Variants in NOB1 observed in about 807,000 individuals in gnomAD.
The protein encoded by NOB1 is RNA-binding protein NOB1.
NOB1 carries 44 observed loss-of-function variants against 44.8 expected under a neutral mutation model. The observed-to-expected ratio is 0.98, with a 90% confidence interval of 0.77 to 1.26. NOB1 has a LOEUF of 1.26. Ranked by LOEUF, NOB1 falls within the 50% of genes most tolerant of loss-of-function variation. The probability of loss-of-function intolerance (pLI) is 0.00; values close to 1 mark genes in which losing one functional copy is unlikely to be tolerated. For synonymous variants in NOB1, 238 were observed against 218.7 expected, an observed-to-expected ratio of 1.09 and a Z score of -0.78; for missense variants, 560 against 544.8, an observed-to-expected ratio of 1.03 and a Z score of -0.28.
At position 69,742,235 on chromosome 16, in the gene NOB1, A is replaced by G. The variant is rs564268246; in HGVS notation, c.*97T>C. 4.1e-6 allele frequency: 6 copies of G among 1,470,364 alleles called. No individual in the cohort carries two copies. Among genetic ancestry groups the G allele is most frequent in the Admixed American group, 4.0e-5 (2 of 50,310 alleles). 91.1% of individuals were successfully genotyped at this position (1,470,364 alleles called of 1,614,324 possible). A position where few individuals can be genotyped will look rare whatever the true frequency, so the allele number is the denominator to read the frequency against. On this transcript the variant is annotated 3_prime_UTR_variant, in exon 9 of 9. Transcript: ENST00000268802. Reference sequence around the variant, plus strand: ...ACCGTGAAGCCCGCCTGTTATTTCCATCGGGTGGTCCTGGAGACGACACGG... The same window carrying G: ...ACCGTGAAGCCCGCCTGTTATTTCCGTCGGGTGGTCCTGGAGACGACACGG...
In NOB1 at chr16:69,748,302, C is replaced by G; in HGVS notation, c.754G>C (p.Val252Leu). The change falls in exon 7 of 9, where the codon GTG (valine) becomes CTG (leucine). Residue 252 changes from valine to leucine, a missense_variant. Coordinates refer to ENST00000268802, the MANE Select transcript of NOB1 (RefSeq NM_014062.3). ...ATCAGCATGCCGTTCACCGCCAGCA[C>G]GTGCAGCCCCATCTGCAGCAGAACA... is the stretch of plus-strand genomic sequence containing the variant. ...QNVLLQMGLH[V>L]LAVNGMLIRE... is the part of the protein sequence containing the mutation. 6.2e-7 allele frequency: 1 copy of G among 1,614,014 alleles called. No individual in the cohort carries two copies. The highest frequency in any genetic ancestry group is 8.5e-7 in the Non-Finnish European group (1 of 1,179,906).
intron 8 of NOB1, among the ~76,000 whole-genome samples, chr16:69,743,023 C>T (rs897923135): frequency 3.3e-5 from 5 of 152,098 alleles, no homozygotes; most frequent in East Asian, 1.9e-4. Flanking sequence ...AGAGAAATGG[C>T]GGATTCTGGG....
rs150208831 is a variant in NOB1, at chr16:69,749,101, G to T, written c.543C>A (p.Asp181Glu). Residue 181 changes from aspartate to glutamate, a missense_variant, in exon 6 of 9, where the codon GAC becomes GAA. By Grantham distance (45) the Asp-to-Glu change is conservative. Transcript: ENST00000268802. ...LQELLIDRGE[D>E]VPSEEEEEEE... ...CCTCCTCCTCCTCCTCACTTGGAAC[G>T]TCCTCACCTCTGTCAATCTGAAACA... 2 of 1,614,068 alleles carry T rather than the reference G, an allele frequency of 1.2e-6. No individual in the cohort carries two copies. The highest frequency in any genetic ancestry group is 1.3e-5 in the African/African-American group (1 of 74,914).
In NOB1 at chr16:69,754,628, C is replaced by T. The variant is rs369469358; in HGVS notation, c.162G>A (p.Arg54=). ...RRLAVLPYEL[R]FKEPLPEYVR... ...CGTATTCCGGTAAGGGCTCCTTGAA[C>T]CGCAGCTCGTAGGGCAGGACAGCGA... The change falls in exon 2 of 9, where the codon CGG becomes CGA. Residue 54 remains arginine, a synonymous_variant. Coordinates refer to ENST00000268802, the MANE Select transcript of NOB1 (RefSeq NM_014062.3). 5.6e-6 allele frequency: 9 copies of T among 1,614,076 alleles called. No individual in the cohort carries two copies. The African/African-American group carries it at 1.1e-4, about 19-fold the overall frequency.
chr16:69,747,360 A>T (rs1420026713), intron 7 of NOB1, among the ~76,000 whole-genome samples: 1 of 152,164 alleles, frequency 6.6e-6, no homozygotes, highest in Non-Finnish European at 1.5e-5. Context: ...CAACATCGTG[A>T]GACCTCGTCT....
chr16:69,749,969 ACT>A (rs371392048), intron 3 of NOB1, among the ~76,000 whole-genome samples: 146 of 132,928 alleles, frequency 1.1e-3, no homozygotes, highest in African/African-American at 3.9e-3. Flanking sequence ...CAAAAATGAG[ACT>A]CTGTCTCAAA....
intron 7 of NOB1, among the ~76,000 whole-genome samples, chr16:69,745,960 CTT>C (rs955841715): frequency 2.4e-4 from 37 of 152,234 alleles, no homozygotes; most frequent in African/African-American, 8.4e-4. Flanking sequence ...GAATTTAGTG[CTT>C]CTGTAACAAA....
At chr16:69,744,801 T>G (rs1597614654) in intron 8 of NOB1, 72 bp downstream of exon 8, 1 of 1,532,066 alleles carries the variant, frequency 6.5e-7, no homozygotes, top group African/African-American at 1.4e-5. Context: ...ACGACTAGAC[T>G]AGGTTTTCTT....
intron 7 of NOB1, among the ~76,000 whole-genome samples, chr16:69,747,381 A>C (rs927445393): frequency 1.3e-5 from 2 of 152,118 alleles, no homozygotes; most frequent in African/African-American, 4.8e-5. Flanking sequence ...CAAAGAAAAG[A>C]ATCTGAAGCA....
At chr16:69,744,451 A>G (rs532891228) in intron 8 of NOB1, among the ~76,000 whole-genome samples, 3 of 152,308 alleles carry the variant, frequency 2.0e-5, no homozygotes, top group African/African-American at 7.2e-5. Context: ...GGGAGAAGCC[A>G]GTGCCACTCA....
At chr16:69,752,212 G>A in intron 3 of NOB1, 29 bp downstream of exon 3, 2 of 1,603,128 alleles carry the variant, frequency 1.2e-6, no homozygotes, top group Non-Finnish European at 1.7e-6. Context: ...ATAATACAAA[G>A]CTTTTAAAAA....
chr16:69,745,552 G>A (rs1324435962), intron 7 of NOB1, among the ~76,000 whole-genome samples: 2 of 152,210 alleles, frequency 1.3e-5, no homozygotes, highest in Non-Finnish European at 2.9e-5. Context: ...TCTGGAGGCG[G>A]CAGAGCATAT....
intron 7 of NOB1, among the ~76,000 whole-genome samples, chr16:69,747,975 T>C (rs1050428231): frequency 1.3e-5 from 2 of 152,126 alleles, no homozygotes; most frequent in Admixed American, 6.5e-5. Context: ...CTGACCAACA[T>C]GGTGAAACCC....
At chr16:69,743,969 A>G (rs985036050) in intron 8 of NOB1, among the ~76,000 whole-genome samples, 2 of 152,222 alleles carry the variant, frequency 1.3e-5, no homozygotes, top group African/African-American at 4.8e-5. Flanking sequence ...AAATATGTAC[A>G]TGTATAAAGA....
rs745817578 is a variant in NOB1 at position 69,748,983 on chromosome 16, G to C, written c.661C>G (p.Leu221Val). 6.2e-7 allele frequency: 1 copy of C among 1,614,194 alleles called. No homozygotes were observed. The highest frequency in any genetic ancestry group is 8.5e-7 in the Non-Finnish European group (1 of 1,180,010). Residue 221 changes from leucine to valine, a missense_variant, in exon 6 of 9, where the codon CTG becomes GTG. By Grantham distance (32) the Leu-to-Val change is conservative. Coordinates refer to ENST00000268802, the MANE Select transcript of NOB1 (RefSeq NM_014062.3). ...TCCTCGGGGACGTCACACTGCTCCAGCTCCTGCTGGATCTGCTTGATGTTA... is the reference window on the plus strand; with the variant it reads ...TCCTCGGGGACGTCACACTGCTCCACCTCCTGCTGGATCTGCTTGATGTTA... The part of the protein sequence containing the change: ...PSNIKQIQQE[L>V]EQCDVPEDVR...
rs2151751988 is a variant in NOB1 at position 69,742,110 on chromosome 16, T to C, written c.*222A>G. On this transcript the variant is annotated 3_prime_UTR_variant, in exon 9 of 9. Transcript: ENST00000268802. ...CGTTGTTCTTTCTGTTTTTATGCAATTGCACTTCCTTGGCAGGCAGCCAGG... is the reference window on the plus strand; with the variant it reads ...CGTTGTTCTTTCTGTTTTTATGCAACTGCACTTCCTTGGCAGGCAGCCAGG... 2 of 514,158 alleles carry C rather than the reference T, an allele frequency of 3.9e-6. No individual in the cohort carries two copies. The highest frequency in any genetic ancestry group is 3.2e-5 in the East Asian group (1 of 31,130). 31.8% of individuals were successfully genotyped at this position (514,158 alleles called of 1,614,324 possible).
intron 8 of NOB1, among the ~76,000 whole-genome samples, chr16:69,744,521 C>T (rs530055515): frequency 2.0e-5 from 3 of 152,150 alleles, no homozygotes; most frequent in African/African-American, 4.8e-5. Context: ...TCATCTAGCC[C>T]GTCCGGCCCT....
chr16:69,754,468 C>T, intron 2 of NOB1, 126 bp downstream of exon 2: 1 of 1,321,744 alleles, frequency 7.6e-7, no homozygotes. Flanking sequence ...ACCACAATCT[C>T]CTAGAAAGTG....
chr16:69,743,331 G>A (rs2038400708), intron 8 of NOB1, among the ~76,000 whole-genome samples: 1 of 152,154 alleles, frequency 6.6e-6, no homozygotes, highest in Non-Finnish European at 1.5e-5. Flanking sequence ...TATAATAACT[G>A]TTTCAGGCAA....
Sources: allele counts gnomAD v4.1 joint callset (sites outside exome capture counted in the v4.1 genomes callset), GRCh38; gene constraint gnomAD v4.1.1; transcripts MANE v1.5; gene names NCBI Gene and HGNC (gene_info 2026-07-23, HGNC 2026-07-21).